FSD1L: variants seen among roughly 807,000 people sequenced by gnomAD.
FSD1L encodes FSD1-like protein.
Under a neutral mutation model 71.6 loss-of-function variants are expected in FSD1L, and 45 were observed. The observed-to-expected ratio is 0.63, with a 90% CI of 0.49 to 0.81. The LOEUF is 0.81. Ranked by LOEUF, FSD1L falls within the 30% of genes least tolerant of loss-of-function variation. The probability of loss-of-function intolerance (pLI) is 0.00; values close to 1 mark genes in which losing one functional copy is unlikely to be tolerated. For missense variants in FSD1L, 561 were observed against 618.1 expected (o/e 0.91, Z 0.98); for synonymous variants, 197 against 207.2 (o/e 0.95, Z 0.42).
chr9:105,540,364 T>C (rs1473157324), intron 13 of FSD1L, among the ~76,000 whole-genome samples: 4 of 152,116 alleles, frequency 2.6e-5, no homozygotes, highest in African/African-American at 9.7e-5. Context: ...TAGGCTCTTC[T>C]TCACTCTGGC....
intron 10 of FSD1L, chr9:105,523,424 T>C: frequency 6.2e-7 from 1 of 1,603,960 alleles, no homozygotes; most frequent in Non-Finnish European, 8.5e-7. Flanking sequence ...CTGGATGGCA[T>C]GCTGATGTTG....
chr9:105,495,088 G>T (rs1833265077), intron 7 of FSD1L, among the ~76,000 whole-genome samples: 1 of 152,222 alleles, frequency 6.6e-6, no homozygotes, highest in Non-Finnish European at 1.5e-5. Flanking sequence ...GTTCGTCTGT[G>T]CCCTGCCCCC....
At chr9:105,493,924 G>T (rs991421458) in intron 7 of FSD1L, among the ~76,000 whole-genome samples, 14 of 152,150 alleles carry the variant, frequency 9.2e-5, no homozygotes, top group Non-Finnish European at 1.5e-4. Flanking sequence ...CTCTCTGGCT[G>T]CCCTTAACAT....
rs1282791341 is a variant in FSD1L, at chr9:105,552,423, TA to T, written c.*5945del. ...CACCTGGAATATCTCATTAAAAATT[TA>T]AAAACTCTTTTCCTGCTCTCTTTTG... On this transcript the variant is annotated 3_prime_UTR_variant, in exon 14 of 14. Coordinates refer to ENST00000481272, the MANE Select transcript of FSD1L (RefSeq NM_001145313.3). 2.6e-5 allele frequency: 4 copies of T among 152,192 alleles called. No homozygotes were observed. The highest frequency in any genetic ancestry group is 4.4e-5 in the Non-Finnish European group (3 of 68,012). The allele number at this position is 152,192 out of a possible 1,614,324, so 9.4% of individuals were successfully genotyped here.
chr9:105,504,489 T>C (rs1167312891), intron 7 of FSD1L, among the ~76,000 whole-genome samples: 1 of 152,248 alleles, frequency 6.6e-6, no homozygotes. Flanking sequence ...ACTGGGTTTA[T>C]TATTTGTTAG....
chr9:105,524,037 G>T (rs1835349637), intron 10 of FSD1L: 1 of 1,603,826 alleles, frequency 6.2e-7, no homozygotes. Flanking sequence ...TCCTGATGTT[G>T]CTGTGTCTCA....
chr9:105,541,256 A>G (rs1836590630), intron 13 of FSD1L, among the ~76,000 whole-genome samples: 1 of 151,400 alleles, frequency 6.6e-6, no homozygotes, highest in African/African-American at 2.4e-5. Context: ...TGGAAACATA[A>G]AGATACTGGA....
At chr9:105,528,099 C>T (rs1301014127) in intron 10 of FSD1L, among the ~76,000 whole-genome samples, 1 of 152,182 alleles carries the variant, frequency 6.6e-6, no homozygotes, top group African/African-American at 2.4e-5. Flanking sequence ...TGAAGGACAT[C>T]TTCAAGGAGA....
intron 1 of FSD1L, among the ~76,000 whole-genome samples, chr9:105,450,534 C>CTTTTTTTTT (rs35115121): frequency 7.2e-6 from 1 of 137,934 alleles, no homozygotes; most frequent in South Asian, 2.3e-4. Context: ...GGATTGTGTT[C>CTTTTTTTTT]TTTTTTTTTT....
intron 7 of FSD1L, among the ~76,000 whole-genome samples, chr9:105,487,943 C>T (rs1174260655): frequency 6.6e-6 from 1 of 152,192 alleles, no homozygotes; most frequent in Non-Finnish European, 1.5e-5. Flanking sequence ...TATACCTTCA[C>T]ACATGCATAG....
chr9:105,481,754 A>G (rs1213896681), intron 6 of FSD1L, among the ~76,000 whole-genome samples: 1 of 151,306 alleles, frequency 6.6e-6, no homozygotes, highest in Non-Finnish European at 1.5e-5. Flanking sequence ...TACTGTAGCT[A>G]TTTTCACCAA....
chr9:105,471,207 G>A (rs914391294), intron 4 of FSD1L, among the ~76,000 whole-genome samples: 16 of 152,176 alleles, frequency 1.1e-4, no homozygotes, highest in Non-Finnish European at 1.9e-4. Context: ...CATATTGAGT[G>A]TGCATTATGC....
intron 7 of FSD1L, among the ~76,000 whole-genome samples, chr9:105,499,033 A>C (rs1466419227): frequency 6.6e-6 from 1 of 152,204 alleles, no homozygotes; most frequent in African/African-American, 2.4e-5. Flanking sequence ...GAATTTGTTA[A>C]TGTGTGTTTT....
At chr9:105,509,161 C>T (rs569443457) in intron 9 of FSD1L, among the ~76,000 whole-genome samples, 95 of 152,258 alleles carry the variant, frequency 6.2e-4, no homozygotes, top group African/African-American at 2.2e-3. Flanking sequence ...ACTTTCAATT[C>T]TTTATTAGAT....
chr9:105,472,944 A>G (rs1367957610), intron 5 of FSD1L: 2 of 152,206 alleles, frequency 1.3e-5, no homozygotes, highest in African/African-American at 4.8e-5. Flanking sequence ...TTACTAATGC[A>G]CATAGGTGGA....
At chr9:105,526,683 T>C (rs938471200) in intron 10 of FSD1L, among the ~76,000 whole-genome samples, 4 of 152,234 alleles carry the variant, frequency 2.6e-5, no homozygotes, top group African/African-American at 4.8e-5. Flanking sequence ...TTAAATAATT[T>C]GTAGCTTAAT....
Position 105,476,624 on chromosome 9 carries a change from A to G in FSD1L, c.442-2730A>G, listed in dbSNP as rs527562733. Among the ~76,000 whole-genome samples the G allele has an allele frequency of 1.7e-4, 26 of 152,344 alleles. No homozygotes were observed. In the South Asian group the frequency reaches 4.3e-3, roughly 25 times the overall value. ...AAGCTTAGTTATATTACTTTACTCA[A>G]CATCACTCTTTAGATCTTCTATTGA... On this transcript the variant is annotated intron_variant, in intron 5 of 13. Transcript: ENST00000481272.
At chr9:105,520,911 A>T (rs1040898525) in intron 10 of FSD1L, 1 of 1,612,116 alleles carries the variant, frequency 6.2e-7, no homozygotes. Context: ...ATACATAGTC[A>T]TTCAGGTAAA....
chr9:105,480,235 A>G (rs1210623599), intron 6 of FSD1L, among the ~76,000 whole-genome samples: 1 of 151,982 alleles, frequency 6.6e-6, no homozygotes, highest in African/African-American at 2.4e-5. Context: ...ATTATAGATT[A>G]TGTGAAAAAC....
Sources: allele counts gnomAD v4.1 joint callset (sites outside exome capture counted in the v4.1 genomes callset), GRCh38; gene constraint gnomAD v4.1.1; transcripts MANE v1.5; gene names NCBI Gene and HGNC (gene_info 2026-07-23, HGNC 2026-07-21).